NAV1: variants seen among roughly 807,000 people sequenced by gnomAD.
The protein encoded by NAV1 is pore membrane and/or filament interacting like protein 3.
A neutral mutation model predicts 175.2 loss-of-function variants in NAV1; 18 were observed. The ratio of observed to expected loss-of-function variants is 0.10; its 90% CI spans 0.07 to 0.15. NAV1 has a LOEUF of 0.15. Among genes scored for constraint, NAV1 ranks in the 10% least tolerant of loss-of-function variants. The probability of loss-of-function intolerance (pLI) is 1.00; values close to 1 mark genes in which losing one functional copy is unlikely to be tolerated. For synonymous variants in NAV1, 897 were observed against 978.7 expected (o/e 0.92, Z 1.56); for missense variants, 1,731 against 2,436.6 (o/e 0.71, Z 6.10).
intron 3 of NAV1, among the ~76,000 whole-genome samples, chr1:201,762,713 T>C (rs1429258958): frequency 1.3e-5 from 2 of 152,230 alleles, no homozygotes; most frequent in Non-Finnish European, 2.9e-5. Context: ...TAAGCCAAAC[T>C]TTTCCTACTT....
At chr1:201,811,795 G>T (rs1232528340) in intron 25 of NAV1, 38 bp downstream of exon 29, 1 of 1,605,498 alleles carries the variant, frequency 6.2e-7, no homozygotes, top group Non-Finnish European at 8.5e-7. Flanking sequence ...TCATCGAAGT[G>T]GGAGGAGGGA....
At chr1:201,622,262 A>G (rs1571850103), upstream of NAV1, among the ~76,000 whole-genome samples, 1 of 152,208 alleles carries the variant, frequency 6.6e-6, no homozygotes, top group Non-Finnish European at 1.5e-5. Context: ...CAGGAGCCTC[A>G]AGGGGCAGCA....
chr1:201,693,557 G>A (rs1182837569), intron 1 of NAV1, among the ~76,000 whole-genome samples: 1 of 152,328 alleles, frequency 6.6e-6, no homozygotes, highest in Non-Finnish European at 1.5e-5. Flanking sequence ...GTATGTGATC[G>A]TTGATGAGAG....
At chr1:201,566,203 T>C (rs1571824050) in intron 1 of NAV1, among the ~76,000 whole-genome samples, 1 of 152,256 alleles carries the variant, frequency 6.6e-6, no homozygotes, top group Non-Finnish European at 1.5e-5. Flanking sequence ...CCACTTCTCC[T>C]GGGCATTTCT....
At chr1:201,792,995 C>G (rs943573711) in intron 13 of NAV1, 7 of 152,316 alleles carry the variant, frequency 4.6e-5, no homozygotes, top group Non-Finnish European at 8.8e-5. Flanking sequence ...GATAGTCTCA[C>G]GATGGCTATT....
intron 2 of NAV1, among the ~76,000 whole-genome samples, chr1:201,605,947 G>A (rs902786906): frequency 6.6e-6 from 1 of 152,202 alleles, no homozygotes; most frequent in Non-Finnish European, 1.5e-5. Flanking sequence ...GCTTTGCCTA[G>A]AGGGAGACTG....
rs1240565178 is a variant in NAV1 at position 201,629,414 on chromosome 1, G to A, written c.-90G>A. 1.2e-5 allele frequency: 16 copies of A among 1,303,580 alleles called. 1 individual carries two copies. The Admixed American group carries it at 3.7e-4, about 30-fold the overall frequency. 80.8% of individuals were successfully genotyped at this position (1,303,580 alleles called of 1,614,324 possible). On this transcript the variant is annotated 5_prime_UTR_variant, in exon 2 of 30. Transcript: ENST00000367302. The stretch of plus-strand genomic sequence containing the variant: ...TTCTTGGTCCCACAGGTTGCAAACT[G>A]ACCAGAAACCTGGCCCCCTCTCCCA...
chr1:201,643,063 C>CGTGCCT (rs1254383077), intron 2 of NAV1, among the ~76,000 whole-genome samples: 5 of 151,828 alleles, frequency 3.3e-5, no homozygotes, highest in African/African-American at 9.7e-5. Flanking sequence ...TGTGAGCCAC[C>CGTGCCT]GTGCCTGGCC....
At position 201,777,365 on chromosome 1, in the gene NAV1, T is replaced by C. The variant is rs577402484; in HGVS notation, c.1227-3056T>C. Reference sequence around the variant, plus strand: ...ATGCACAGAAAACTGTTAATAATAGTTACCTTAGAAGTAAAAATGGGAGGG... The same window carrying C: ...ATGCACAGAAAACTGTTAATAATAGCTACCTTAGAAGTAAAAATGGGAGGG... On this transcript the variant is annotated intron_variant, in intron 3 of 29. Transcript: ENST00000367296. Among the ~76,000 whole-genome samples the C allele has an allele frequency of 1.4e-4, 22 of 152,306 alleles. No individual in the cohort carries two copies. In the South Asian group the frequency reaches 3.9e-3, roughly 27 times the overall value.
chr1:201,656,744 T>C (rs929516340), intron 1 of NAV1, among the ~76,000 whole-genome samples: 21 of 152,166 alleles, frequency 1.4e-4, no homozygotes, highest in Non-Finnish European at 2.8e-4. Flanking sequence ...TGAAGGGACA[T>C]TTGCGTGCAT....
chr1:201,822,309 G>A (rs1571527177), exon 30 of NAV1: 1 of 152,738 alleles, frequency 6.5e-6, no homozygotes, highest in Non-Finnish European at 1.5e-5. Flanking sequence ...GAGAAGACTG[G>A]ATGGGCCTGC....
intron 1 of NAV1, among the ~76,000 whole-genome samples, chr1:201,566,368 C>T (rs1030844927): frequency 3.3e-5 from 5 of 152,148 alleles, no homozygotes; most frequent in African/African-American, 4.8e-5. Context: ...GTGCCCTCTC[C>T]GCTTGGCTCC....
At chr1:201,709,144 C>CAA (rs112333135) in intron 1 of NAV1, among the ~76,000 whole-genome samples, 9,732 of 117,114 alleles carry the variant, frequency 0.083, 642 homozygotes, top group South Asian at 0.17. Context: ...GACCCTGTCT[C>CAA]CAAAAAAAAA....
chr1:201,722,392 CT>C (rs1672424767), intron 3 of NAV1, among the ~76,000 whole-genome samples: 1 of 152,196 alleles, frequency 6.6e-6, no homozygotes, highest in South Asian at 2.1e-4. Flanking sequence ...GGCTTATTTA[CT>C]TAGCATAATG....
chr1:201,567,142 G>T (rs972555033), intron 1 of NAV1, among the ~76,000 whole-genome samples: 1 of 151,770 alleles, frequency 6.6e-6, no homozygotes, highest in Non-Finnish European at 1.5e-5. Context: ...ACTGGGTGGC[G>T]GTTGGAAATC....
intron 3 of NAV1, among the ~76,000 whole-genome samples, chr1:201,764,372 C>G (rs1675058569): frequency 6.6e-6 from 1 of 152,170 alleles, no homozygotes; most frequent in South Asian, 2.1e-4. Flanking sequence ...TCTGATGAGG[C>G]CTCTCTTCCT....
chr1:201,621,024 G>A (rs1436801708), upstream of NAV1, among the ~76,000 whole-genome samples: 1 of 151,902 alleles, frequency 6.6e-6, no homozygotes, highest in African/African-American at 2.4e-5. Flanking sequence ...AGGCTCAAGC[G>A]ATCCTCCTGC....
intron 1 of NAV1, among the ~76,000 whole-genome samples, chr1:201,577,685 C>T (rs549580246): frequency 6.6e-6 from 1 of 152,104 alleles, no homozygotes; most frequent in East Asian, 1.9e-4. Context: ...GTCCTTCTGG[C>T]AACAAAGTCT....
At chr1:201,669,295 A>G (rs566089011) in intron 1 of NAV1, among the ~76,000 whole-genome samples, 1 of 152,236 alleles carries the variant, frequency 6.6e-6, no homozygotes, top group Non-Finnish European at 1.5e-5. Context: ...GATTTGGATT[A>G]GAGAGGCTGG....
Sources: allele counts gnomAD v4.1 joint callset (sites outside exome capture counted in the v4.1 genomes callset), GRCh38; gene constraint gnomAD v4.1.1; transcripts MANE v1.5; gene names NCBI Gene and HGNC (gene_info 2026-07-23, HGNC 2026-07-21).